CTTNBP2: variants seen among roughly 807,000 people sequenced by gnomAD.
The protein encoded by CTTNBP2 is cortactin binding protein 2.
A neutral mutation model predicts 156.9 loss-of-function variants in CTTNBP2; 108 were observed. The ratio of observed to expected loss-of-function variants is 0.69; its 90% confidence interval spans 0.59 to 0.81. CTTNBP2 has a LOEUF of 0.81. Among genes scored for constraint, CTTNBP2 ranks in the 30% least tolerant of loss-of-function variants. The pLI is 0.00. For synonymous variants in CTTNBP2, 767 were observed against 751.8 expected, an observed-to-expected ratio of 1.02 and a Z score of -0.33; for missense variants, 1,924 against 2,035.4, an observed-to-expected ratio of 0.95 and a Z score of 1.05.
chr7:117,719,282 T>G (rs112740351), intron 21 of CTTNBP2, among the ~76,000 whole-genome samples: 4 of 152,304 alleles, frequency 2.6e-5, no homozygotes, highest in South Asian at 2.1e-4. Context: ...TAACTTCAGG[T>G]CTTGGAGGAG....
chr7:117,721,011 G>T, intron 20 of CTTNBP2, 56 bp downstream of exon 20: 1 of 1,042,864 alleles, frequency 9.6e-7, no homozygotes, highest in South Asian at 1.3e-5. Context: ...AATAGTAATT[G>T]AAGTTACTTG....
intron 9 of CTTNBP2, among the ~76,000 whole-genome samples, chr7:117,762,376 C>T (rs531621572): frequency 6.6e-6 from 1 of 152,200 alleles, no homozygotes; most frequent in Non-Finnish European, 1.5e-5. Context: ...TTCCCCCTAA[C>T]AAGTACTGGC....
intron 2 of CTTNBP2, among the ~76,000 whole-genome samples, chr7:117,811,603 A>G (rs1025255985): frequency 2.0e-5 from 3 of 152,156 alleles, no homozygotes; most frequent in Non-Finnish European, 4.4e-5. Flanking sequence ...GTCTTTTCTA[A>G]TTTAATGTAA....
At chr7:117,782,841 A>G in intron 6 of CTTNBP2, 21 bp downstream of exon 6, 1 of 1,583,394 alleles carries the variant, frequency 6.3e-7, no homozygotes, top group Non-Finnish European at 8.6e-7. Flanking sequence ...GGTGGGAAAA[A>G]AAGAATTAAG....
intron 3 of CTTNBP2, among the ~76,000 whole-genome samples, chr7:117,803,239 C>G (rs1799734316): frequency 6.6e-6 from 1 of 152,188 alleles, no homozygotes; most frequent in African/African-American, 2.4e-5. Flanking sequence ...ATGTCCTTTG[C>G]AGCAACATGG....
chr7:117,818,279 A>G (rs1236933307), intron 2 of CTTNBP2, among the ~76,000 whole-genome samples: 2 of 152,172 alleles, frequency 1.3e-5, no homozygotes, highest in Admixed American at 6.6e-5. Context: ...TTACCTAAGA[A>G]TAATAAAAAA....
chr7:117,832,713 A>G (rs1052653986), intron 2 of CTTNBP2, among the ~76,000 whole-genome samples: 2 of 145,888 alleles, frequency 1.4e-5, no homozygotes, highest in African/African-American at 5.1e-5. Context: ...CTACCAATCA[A>G]TCTATAGCCC....
At chr7:117,809,537 T>C (rs927900256) in intron 3 of CTTNBP2, among the ~76,000 whole-genome samples, 4 of 152,210 alleles carry the variant, frequency 2.6e-5, no homozygotes. Flanking sequence ...CATATCTTAG[T>C]GGTTGTCTGC....
At chr7:117,844,156 T>C (rs564558277) in intron 2 of CTTNBP2, among the ~76,000 whole-genome samples, 2 of 152,274 alleles carry the variant, frequency 1.3e-5, no homozygotes, top group African/African-American at 4.8e-5. Context: ...AGCCAAGGAA[T>C]GCAGACAGGC....
chr7:117,780,235 G>C (rs967836084), intron 7 of CTTNBP2, among the ~76,000 whole-genome samples: 9 of 152,202 alleles, frequency 5.9e-5, no homozygotes, highest in African/African-American at 1.9e-4. Context: ...CTGAGGCTCA[G>C]AGGTTAAAGG....
rs777086170 is a variant in CTTNBP2 at position 117,792,433 on chromosome 7, G to A, written c.763C>T (p.Leu255Phe). ...CTCATCTTGTCTATCTCCTCTTTGA[G>A]GTCAGTGGTGTGTGCTTCTTCCCGG... ...LNREEAHTTD[L>F]KEEIDKMRKM... is the part of the protein sequence containing the mutation. The change falls in exon 4 of 23, where the codon CTC becomes TTC. Residue 255 changes from leucine to phenylalanine, a missense_variant. Leu to Phe is a conservative substitution (Grantham distance 22). Coordinates refer to ENST00000160373, the MANE Select transcript of CTTNBP2 (RefSeq NM_033427.3). This position sits in a 1 kb window ranked among gnomAD's most constrained non-coding sequence, Gnocchi z 4.2. 6.2e-7 allele frequency: 1 copy of A among 1,614,172 alleles called. No homozygotes were observed. The highest frequency in any genetic ancestry group is 1.1e-5 in the South Asian group (1 of 91,080).
At chr7:117,840,612 G>A (rs928225346) in intron 2 of CTTNBP2, among the ~76,000 whole-genome samples, 2 of 152,182 alleles carry the variant, frequency 1.3e-5, no homozygotes, top group Admixed American at 6.5e-5. Context: ...GTGCCTTATT[G>A]TAAAGCACAT....
rs1798585035 is a variant in CTTNBP2, at chr7:117,784,347, A to G, written c.2176T>C (p.Leu726=). The G allele has an allele frequency of 1.2e-6, 2 of 1,613,894 alleles. No homozygotes were observed. Among genetic ancestry groups the G allele is most frequent in the African/African-American group, 2.7e-5 (2 of 74,940 alleles). ...QAAAQGNVTL[L]SMLLNEEGLD... ...CCTTCTTCATTAAGCAGCATTGATA[A>G]TAAAGTGACATTTCCCTGGGCAGCA... The change falls in exon 5 of 23, where the codon TTA becomes CTA. Residue 726 remains leucine (L), a synonymous_variant. Transcript: ENST00000160373.
chr7:117,839,256 T>C (rs1461169737), intron 2 of CTTNBP2, among the ~76,000 whole-genome samples: 2 of 152,194 alleles, frequency 1.3e-5, no homozygotes, highest in Admixed American at 1.3e-4. Flanking sequence ...TTTATATATG[T>C]AGTCTCATTG....
At chr7:117,840,876 C>T (rs1802229257) in intron 2 of CTTNBP2, among the ~76,000 whole-genome samples, 1 of 152,120 alleles carries the variant, frequency 6.6e-6, no homozygotes, top group Non-Finnish European at 1.5e-5. Flanking sequence ...TACAGCTGTA[C>T]TTCAAAAATC....
At chr7:117,769,697 G>T (rs181936263) in intron 8 of CTTNBP2, among the ~76,000 whole-genome samples, 1 of 152,188 alleles carries the variant, frequency 6.6e-6, no homozygotes. Context: ...ATCAGTAAAT[G>T]AATAAGATAA....
At position 117,757,890 on chromosome 7, in the gene CTTNBP2, T is replaced by C; in HGVS notation, c.3253A>G (p.Thr1085Ala). 6.2e-7 allele frequency: 1 copy of C among 1,610,224 alleles called. No homozygotes were observed. The highest frequency in any genetic ancestry group is 8.5e-7 in the Non-Finnish European group (1 of 1,177,670). The part of the protein sequence containing the change: ...FMRKNKAEHI[T>A]VLLSGPQEGC... ...ACATCCTTACCTGACAAAAGCACAGTGATGTGCTCTGCCTTATTCTTCCTC... is the reference window on the plus strand; with the variant it reads ...ACATCCTTACCTGACAAAAGCACAGCGATGTGCTCTGCCTTATTCTTCCTC... The change falls in exon 11 of 23, where the codon ACT (threonine) becomes GCT (alanine). Residue 1085 changes from threonine to alanine, a missense_variant. Thr to Ala is a moderately conservative substitution (Grantham distance 58, BLOSUM62 0). Coordinates refer to ENST00000160373, the MANE Select transcript of CTTNBP2 (RefSeq NM_033427.3).
chr7:117,739,960 T>G (rs1402635120), intron 14 of CTTNBP2, among the ~76,000 whole-genome samples: 1 of 152,196 alleles, frequency 6.6e-6, no homozygotes, highest in Non-Finnish European at 1.5e-5. Flanking sequence ...ATCTAGTGTT[T>G]AATTTTTTTT....
At chr7:117,740,019 C>T (rs534728546) in intron 14 of CTTNBP2, among the ~76,000 whole-genome samples, 12 of 152,130 alleles carry the variant, frequency 7.9e-5, no homozygotes, top group African/African-American at 2.7e-4. Context: ...TATCATCTTG[C>T]TAACCCAAGT....
Sources: allele counts gnomAD v4.1 joint callset (sites outside exome capture counted in the v4.1 genomes callset), GRCh38; gene constraint gnomAD v4.1.1; non-coding constraint Gnocchi (gnomAD v3.1); transcripts MANE v1.5; gene names NCBI Gene and HGNC (gene_info 2026-07-23, HGNC 2026-07-21).